The following PREX1 variants were observed in gnomAD, a reference collection of about 807,000 sequenced individuals.
PREX1 encodes the protein phosphatidylinositol-3,4,5-trisphosphate dependent Rac exchange factor 1, also known as phosphatidylinositol 3,4,5-trisphosphate-dependent Rac exchanger 1 protein.
Under a neutral mutation model 198.3 loss-of-function variants are expected in PREX1, and 41 were observed. The ratio of observed to expected loss-of-function variants is 0.21; its 90% CI spans 0.16 to 0.27. The LOEUF (loss-of-function observed/expected upper bound fraction) is 0.27. PREX1 is among the 10% of genes least tolerant of loss of function. The probability of loss-of-function intolerance (pLI) is 1.00; values close to 1 mark genes in which losing one functional copy is unlikely to be tolerated. For missense variants in PREX1, 1,620 were observed against 2,200.7 expected (o/e 0.74, Z 5.28); for synonymous variants, 843 against 887.2 (o/e 0.95, Z 0.89).
Position 48,691,780 on chromosome 20 carries a change from C to T in PREX1, c.1037-684G>A, listed in dbSNP as rs1432383690. ...TGTGAAATGTTCACGTGACGGAACA[C>T]TCTGCAGCAATGGAAACCAACAGGC... On this transcript the variant is annotated intron_variant, in intron 8 of 39. Coordinates refer to ENST00000371941, the MANE Select transcript of PREX1 (RefSeq NM_020820.4). This position sits in a 1 kb window ranked among gnomAD's most constrained non-coding sequence, Gnocchi z 5.0. Among the ~76,000 whole-genome samples, 1 of 152,216 alleles carries T rather than the reference C, an allele frequency of 6.6e-6. No individual in the cohort carries two copies. The highest frequency in any genetic ancestry group is 2.4e-5 in the African/African-American group (1 of 41,454).
At chr20:48,761,646 C>A (rs1180399793) in intron 1 of PREX1, among the ~76,000 whole-genome samples, 1 of 152,136 alleles carries the variant, frequency 6.6e-6, no homozygotes, top group Non-Finnish European at 1.5e-5. Context: ...CTGAGAGGAA[C>A]CCAATGCTTT....
intron 1 of PREX1, among the ~76,000 whole-genome samples, chr20:48,802,969 T>G (rs2090394341): frequency 6.6e-6 from 1 of 152,244 alleles, no homozygotes; most frequent in African/African-American, 2.4e-5. Context: ...CCACCCAGCG[T>G]GCTCCCTGGA....
chr20:48,646,605 C>T (rs1296614376), intron 25 of PREX1, among the ~76,000 whole-genome samples: 2 of 150,220 alleles, frequency 1.3e-5, no homozygotes. Context: ...ATGAGAATCG[C>T]TTGAACCTGG....
the PREX1 span, among the ~76,000 whole-genome samples, chr20:48,863,491 G>T: frequency 4.2e-5 from 6 of 144,156 alleles, no homozygotes; most frequent in Non-Finnish European, 7.6e-5. Flanking sequence ...GTTTTGTGGG[G>T]TTTTTTTGTT....
At chr20:48,662,056 A>G (rs2089601016) in intron 15 of PREX1, among the ~76,000 whole-genome samples, 1 of 152,196 alleles carries the variant, frequency 6.6e-6, no homozygotes, top group Non-Finnish European at 1.5e-5. Context: ...CTCAGTGGAA[A>G]GCAGCCGGGG....
At chr20:48,688,311 C>T (rs149031492) in intron 10 of PREX1, among the ~76,000 whole-genome samples, 2 of 152,134 alleles carry the variant, frequency 1.3e-5, no homozygotes, top group African/African-American at 4.8e-5. Flanking sequence ...GAAGAAGCAA[C>T]TTGAATAGAA....
the PREX1 span, among the ~76,000 whole-genome samples, chr20:48,886,705 C>T: frequency 1.3e-5 from 2 of 152,372 alleles, no homozygotes; most frequent in Non-Finnish European, 2.9e-5. Context: ...TGTGTCTGCA[C>T]TCTTCTTAGC....
intron 5 of PREX1, among the ~76,000 whole-genome samples, chr20:48,710,702 A>C (rs2089926437): frequency 6.6e-6 from 1 of 152,228 alleles, no homozygotes; most frequent in Non-Finnish European, 1.5e-5. Context: ...AGGGACAATG[A>C]GTGAGGGAAG....
intron 4 of PREX1, among the ~76,000 whole-genome samples, chr20:48,733,724 T>TGTTGTTGTTGTTGTTGTC (rs55976118): frequency 2.0e-5 from 3 of 151,110 alleles, no homozygotes; most frequent in Non-Finnish European, 4.4e-5. Context: ...TTGTTGTTGT[T>TGTTGTTGTTGTTGTTGTC]TTGCTTCTGC....
chr20:48,688,529 G>T, intron 10 of PREX1, 128 bp downstream of exon 10: 1 of 1,221,384 alleles, frequency 8.2e-7, no homozygotes. Flanking sequence ...TAAGGATTCA[G>T]GTCCTTTTGT....
intron 1 of PREX1, among the ~76,000 whole-genome samples, chr20:48,820,248 T>C (rs758267099): frequency 4.6e-5 from 7 of 152,238 alleles, no homozygotes; most frequent in Non-Finnish European, 8.8e-5. Context: ...CTCTGCTTCT[T>C]CCTTGGGACT....
chr20:48,727,824 G>A (rs1186063076), intron 4 of PREX1, among the ~76,000 whole-genome samples: 1 of 152,098 alleles, frequency 6.6e-6, no homozygotes, highest in African/African-American at 2.4e-5. Flanking sequence ...CTTCATAGGT[G>A]GCCATTTGTT....
chr20:48,660,720 C>A (rs2089584467), intron 15 of PREX1, among the ~76,000 whole-genome samples: 1 of 152,110 alleles, frequency 6.6e-6, no homozygotes, highest in South Asian at 2.1e-4. Flanking sequence ...ACTATAGTGT[C>A]CAAAACCAAC....
the PREX1 span, among the ~76,000 whole-genome samples, chr20:48,839,740 AC>A: frequency 6.6e-6 from 1 of 152,022 alleles, no homozygotes; most frequent in African/African-American, 2.4e-5. Context: ...GTGCATCATC[AC>A]CTCTAGTGCT....
intron 1 of PREX1, among the ~76,000 whole-genome samples, chr20:48,765,216 A>G (rs1382558858): frequency 6.6e-6 from 1 of 152,254 alleles, no homozygotes; most frequent in Non-Finnish European, 1.5e-5. Context: ...CAGTCTAGCT[A>G]TACATTTCAT....
chr20:48,843,921 G>A, the PREX1 span, among the ~76,000 whole-genome samples: 1 of 152,122 alleles, frequency 6.6e-6, no homozygotes, highest in African/African-American at 2.4e-5. Flanking sequence ...AAGGCAGGAA[G>A]ATTGCTTGAG....
chr20:48,805,039 G>A (rs2090405632), intron 1 of PREX1, among the ~76,000 whole-genome samples: 1 of 152,190 alleles, frequency 6.6e-6, no homozygotes, highest in Non-Finnish European at 1.5e-5. Flanking sequence ...GATTGAGCAA[G>A]ATGAGCTCAA....
At chr20:48,715,532 GC>G (rs1324804624) in intron 5 of PREX1, among the ~76,000 whole-genome samples, 1 of 152,166 alleles carries the variant, frequency 6.6e-6, no homozygotes, top group African/African-American at 2.4e-5. Flanking sequence ...CAGCTGTGGG[GC>G]CTTGCACAAG....
chr20:48,642,132 T>A (rs1195371401), intron 29 of PREX1, 36 bp downstream of exon 29: 2 of 1,596,926 alleles, frequency 1.3e-6, no homozygotes, highest in Admixed American at 3.3e-5. Flanking sequence ...CCCTTCCCCA[T>A]CGCAGGCTGT....
Sources: gnomAD v4.1 joint callset for allele counts (sites outside exome capture counted in the v4.1 genomes callset) on GRCh38, gnomAD v4.1.1 for gene constraint, Gnocchi (gnomAD v3.1) non-coding constraint, MANE v1.5 for transcripts, NCBI Gene and HGNC (gene_info 2026-07-23, HGNC 2026-07-21) for gene names.